The following F13A1 variants were observed in gnomAD, a reference collection of about 807,000 sequenced individuals.
The protein encoded by F13A1 is FSF, A subunit.
In F13A1, 47 loss-of-function variants were observed where a neutral mutation model predicts 80.1. That is an observed-to-expected ratio of 0.59 (90% CI 0.46 to 0.75). F13A1 has a LOEUF of 0.75. Among genes scored for constraint, F13A1 ranks in the 30% least tolerant of loss-of-function variants. F13A1 has a pLI of 0.00. For synonymous variants in F13A1, 349 were observed against 344.9 expected (o/e 1.01, Z -0.13); for missense variants, 817 against 930.4 (o/e 0.88, Z 1.59).
intron 3 of F13A1, among the ~76,000 whole-genome samples, chr6:6,302,236 T>C (rs1476941585): frequency 6.6e-6 from 1 of 151,846 alleles, no homozygotes; most frequent in African/African-American, 2.4e-5. Flanking sequence ...ACTTCCCTCA[T>C]AATTGCAGCA....
At chr6:6,209,135 C>G (rs889459551) in intron 8 of F13A1, among the ~76,000 whole-genome samples, 2 of 151,578 alleles carry the variant, frequency 1.3e-5, no homozygotes, top group African/African-American at 4.8e-5. Context: ...AGTTACAATT[C>G]AACAATACAA....
At chr6:6,212,366 T>A (rs1051809873) in intron 8 of F13A1, among the ~76,000 whole-genome samples, 5 of 152,122 alleles carry the variant, frequency 3.3e-5, no homozygotes, top group Non-Finnish European at 7.4e-5. Context: ...AGTGGGTCCC[T>A]GACCCCTGAC....
At chr6:6,176,208 T>C (rs1760880907) in intron 11 of F13A1, among the ~76,000 whole-genome samples, 1 of 152,252 alleles carries the variant, frequency 6.6e-6, no homozygotes, top group South Asian at 2.1e-4. Context: ...TTTATAATTA[T>C]GCTAGTTTAA....
At chr6:6,281,594 G>C (rs1411873694) in intron 3 of F13A1, among the ~76,000 whole-genome samples, 2 of 152,146 alleles carry the variant, frequency 1.3e-5, no homozygotes, top group Non-Finnish European at 2.9e-5. Context: ...AAGCCACTAA[G>C]ATTATGATAT....
intron 6 of F13A1, among the ~76,000 whole-genome samples, chr6:6,246,974 A>G (rs745612566): frequency 6.6e-6 from 1 of 151,732 alleles, no homozygotes; most frequent in East Asian, 1.9e-4. Context: ...ATCAGATGCA[A>G]GTCTAATATA....
intron 4 of F13A1, among the ~76,000 whole-genome samples, chr6:6,260,178 G>A (rs1364746687): frequency 1.3e-5 from 2 of 152,080 alleles, no homozygotes; most frequent in Non-Finnish European, 2.9e-5. Context: ...TATTCTCCCC[G>A]CATGCACCCC....
chr6:6,298,847 T>C lies in F13A1; in HGVS notation c.319+6504A>G, dbSNP rs867851850. 6.7e-5 allele frequency among the ~76,000 whole-genome samples: 10 copies of C among 149,406 alleles called. 1 individual carries two copies. Among genetic ancestry groups the C allele is most frequent in the African/African-American group, 2.6e-4 (10 of 38,846 alleles). On this transcript the variant is annotated intron_variant, in intron 3 of 14. Transcript: ENST00000264870. ...TGATGGAGTTTCTTCCTAGTCTTGATGGTCTTTACATTTTGGCATGATTTT... is the reference window on the plus strand; with the variant it reads ...TGATGGAGTTTCTTCCTAGTCTTGACGGTCTTTACATTTTGGCATGATTTT...
chr6:6,173,404 CTTTTCTTTTT>C (rs777857624), intron 12 of F13A1, among the ~76,000 whole-genome samples: 33 of 144,030 alleles, frequency 2.3e-4, no homozygotes, highest in South Asian at 2.2e-4. Flanking sequence ...AGCCTCCATT[CTTTTCTTTTT>C]TTTTTTTTTT....
chr6:6,173,722 T>C (rs548643674), intron 12 of F13A1, among the ~76,000 whole-genome samples: 1 of 152,224 alleles, frequency 6.6e-6, no homozygotes, highest in South Asian at 2.1e-4. Context: ...TGTCAGCGCG[T>C]GTATCTTTTT....
chr6:6,231,301 A>G (rs557066384), intron 6 of F13A1, among the ~76,000 whole-genome samples: 2 of 152,326 alleles, frequency 1.3e-5, no homozygotes, highest in Admixed American at 1.3e-4. Context: ...TCTCAGCAAT[A>G]GAATTGAACA....
chr6:6,148,308 C>A (rs544340837), intron 14 of F13A1, among the ~76,000 whole-genome samples: 3 of 152,204 alleles, frequency 2.0e-5, no homozygotes, highest in South Asian at 2.1e-4. Context: ...TGGCTCACTG[C>A]GAGTGAGGGG....
At chr6:6,180,578 CTTGT>C (rs937512817) in intron 11 of F13A1, among the ~76,000 whole-genome samples, 3 of 152,170 alleles carry the variant, frequency 2.0e-5, no homozygotes, top group African/African-American at 7.2e-5. Flanking sequence ...GAGGGCATTG[CTTGT>C]TTGTTTTGTT....
At chr6:6,234,675 A>G (rs1489766421) in intron 6 of F13A1, among the ~76,000 whole-genome samples, 1 of 152,054 alleles carries the variant, frequency 6.6e-6, no homozygotes, top group African/African-American at 2.4e-5. Flanking sequence ...ACCATCTAAC[A>G]TTAAAGTATA....
rs142769312 is a variant in F13A1 at position 6,176,415 on chromosome 6, T to C, written c.1460-1548A>G. Among the ~76,000 whole-genome samples, 70 of 152,294 alleles carry C rather than the reference T, an allele frequency of 4.6e-4. No homozygotes were observed. In the East Asian group the frequency reaches 9.3e-3, roughly 20 times the overall value. On this transcript the variant is annotated intron_variant, in intron 11 of 14. Transcript: ENST00000264870. ...TTATTACCATCACTTTCCTTGTTTG[T>C]AAAATAAGGGTGTCTACATCCTAGG...
At chr6:6,315,495 A>G (rs1414100357) in intron 2 of F13A1, among the ~76,000 whole-genome samples, 1 of 152,124 alleles carries the variant, frequency 6.6e-6, no homozygotes, top group Non-Finnish European at 1.5e-5. Context: ...ACATGAGTTT[A>G]TACATTTTAA....
chr6:6,250,574 T>A lies in F13A1; in HGVS notation c.690+237A>T, dbSNP rs1757616584. 6.6e-6 allele frequency among the ~76,000 whole-genome samples: 1 copy of A among 152,176 alleles called. No individual in the cohort carries two copies. The highest frequency in any genetic ancestry group is 2.1e-4 in the South Asian group (1 of 4,832). The stretch of plus-strand genomic sequence containing the variant: ...TCTCAATAGAATGCCACATTATTCA[T>A]GGAATCTCTCATTTCTGTAACACTG... On this transcript the variant is annotated intron_variant, in intron 5 of 14. Transcript: ENST00000264870. The surrounding 1 kb of genome is among the most constrained non-coding windows in gnomAD (Gnocchi z 4.2).
At chr6:6,320,553 C>A in intron 1 of F13A1, 34 bp downstream of exon 1, 1 of 431,650 alleles carries the variant, frequency 2.3e-6, no homozygotes. Flanking sequence ...ACGCAGCGGG[C>A]CCTGGCTCAT....
At position 6,162,264 on chromosome 6, in the gene F13A1, C is replaced by T. The variant is rs866406889; in HGVS notation, c.1908+5194G>A. 3.9e-5 allele frequency among the ~76,000 whole-genome samples: 6 copies of T among 152,232 alleles called. No individual in the cohort carries two copies. The highest frequency in any genetic ancestry group is 1.4e-4 in the African/African-American group (6 of 41,536). On this transcript the variant is annotated intron_variant, in intron 13 of 14. Coordinates refer to ENST00000264870, the MANE Select transcript of F13A1 (RefSeq NM_000129.4). This position sits in a 1 kb window ranked among gnomAD's most constrained non-coding sequence, Gnocchi z 4.2. ...CTTACTCATCCCTGCTCCCAGCCTCCACCCCAGCCAAGGCACGCTTCTCAC... is the reference window on the plus strand; with the variant it reads ...CTTACTCATCCCTGCTCCCAGCCTCTACCCCAGCCAAGGCACGCTTCTCAC...
intron 13 of F13A1, among the ~76,000 whole-genome samples, chr6:6,158,128 G>A (rs1177032021): frequency 6.6e-6 from 1 of 152,118 alleles, no homozygotes; most frequent in Non-Finnish European, 1.5e-5. Context: ...GGGTCCCCTG[G>A]GGTAAGCAGG....
Sources: allele counts gnomAD v4.1 joint callset (sites outside exome capture counted in the v4.1 genomes callset), GRCh38; gene constraint gnomAD v4.1.1; non-coding constraint Gnocchi (gnomAD v3.1); transcripts MANE v1.5; gene names NCBI Gene and HGNC (gene_info 2026-07-23, HGNC 2026-07-21).